The following EIPR1 variants were observed in gnomAD, a reference collection of about 807,000 sequenced individuals.
The protein encoded by EIPR1 is EARP and GARP complex-interacting protein 1.
In EIPR1, 25 loss-of-function variants were observed where a neutral mutation model predicts 48.1. The observed-to-expected ratio is 0.52, with a 90% CI of 0.38 to 0.73. EIPR1 has a LOEUF of 0.73. Among genes scored for constraint, EIPR1 ranks in the 30% least tolerant of loss-of-function variants. The pLI, the probability that EIPR1 is intolerant of heterozygous loss-of-function variation, is 0.00. For synonymous variants in EIPR1, 204 were observed against 201.9 expected (o/e 1.01, Z -0.09); for missense variants, 415 against 506.2 (o/e 0.82, Z 1.73).
intron 4 of EIPR1, among the ~76,000 whole-genome samples, chr2:3,248,140 A>C (rs1340065128): frequency 6.6e-6 from 1 of 151,942 alleles, no homozygotes; most frequent in East Asian, 1.9e-4. Flanking sequence ...GTTCATACAC[A>C]ATCTGGATGT....
At chr2:3,310,649 T>C (rs1199553608) in intron 3 of EIPR1, among the ~76,000 whole-genome samples, 1 of 104,954 alleles carries the variant, frequency 9.5e-6, no homozygotes, top group Non-Finnish European at 1.7e-5. Flanking sequence ...CCAGACTCCG[T>C]CTCAAAAAAA....
At chr2:3,337,172 C>T (rs570020441) in intron 3 of EIPR1, among the ~76,000 whole-genome samples, 26 of 152,198 alleles carry the variant, frequency 1.7e-4, no homozygotes, top group African/African-American at 5.8e-4. Flanking sequence ...GAAACACACA[C>T]AGAACCCGGT....
chr2:3,235,430 A>G (rs1666372338), intron 4 of EIPR1, among the ~76,000 whole-genome samples: 1 of 107,304 alleles, frequency 9.3e-6, no homozygotes, highest in Non-Finnish European at 1.9e-5. Context: ...GCGCACACAC[A>G]CACACACACG....
intron 3 of EIPR1, among the ~76,000 whole-genome samples, chr2:3,289,694 C>G (rs779287871): frequency 3.3e-5 from 5 of 152,230 alleles, no homozygotes; most frequent in Non-Finnish European, 7.3e-5. Context: ...GCTCATCTCC[C>G]CGACGCAGGC....
At chr2:3,231,475 A>G (rs1219078990) in intron 4 of EIPR1, among the ~76,000 whole-genome samples, 1 of 152,236 alleles carries the variant, frequency 6.6e-6, no homozygotes, top group Admixed American at 6.5e-5. Flanking sequence ...GCTAACACAC[A>G]TGCCATATAT....
At chr2:3,252,907 A>G (rs760448009) in intron 4 of EIPR1, among the ~76,000 whole-genome samples, 1 of 152,206 alleles carries the variant, frequency 6.6e-6, no homozygotes, top group African/African-American at 2.4e-5. Flanking sequence ...AAAAAACTCT[A>G]AGAACCCCAC....
intron 4 of EIPR1, among the ~76,000 whole-genome samples, chr2:3,244,589 T>C (rs1572348093): frequency 6.6e-6 from 1 of 152,180 alleles, no homozygotes; most frequent in Non-Finnish European, 1.5e-5. Context: ...GTGCCCTTTA[T>C]CAAAGAGGCC....
At chr2:3,274,015 T>C (rs866922663) in intron 3 of EIPR1, among the ~76,000 whole-genome samples, 2 of 152,186 alleles carry the variant, frequency 1.3e-5, no homozygotes, top group African/African-American at 4.8e-5. Context: ...ATCATGACTG[T>C]TGAAATAGAA....
At chr2:3,247,139 T>A (rs1234216853) in intron 4 of EIPR1, among the ~76,000 whole-genome samples, 1 of 151,332 alleles carries the variant, frequency 6.6e-6, no homozygotes, top group African/African-American at 2.4e-5. Flanking sequence ...TTCACTCCCA[T>A]CCCTCAAAAG....
chr2:3,206,214 C>T (rs985218082), intron 5 of EIPR1, among the ~76,000 whole-genome samples: 9 of 152,168 alleles, frequency 5.9e-5, no homozygotes, highest in Non-Finnish European at 1.0e-4. Context: ...TACCTGGCTG[C>T]CAGGGCTCCT....
At chr2:3,336,703 G>T (rs1670053481) in intron 3 of EIPR1, among the ~76,000 whole-genome samples, 1 of 152,028 alleles carries the variant, frequency 6.6e-6, no homozygotes, top group African/African-American at 2.4e-5. Flanking sequence ...GGGAGGCAGA[G>T]GTTGCAGTGA....
intron 3 of EIPR1, among the ~76,000 whole-genome samples, chr2:3,294,149 G>A (rs976357330): frequency 6.6e-6 from 1 of 152,056 alleles, no homozygotes; most frequent in African/African-American, 2.4e-5. Context: ...TGTTCATTAG[G>A]AGAATCCCAC....
At chr2:3,351,340 G>C (rs1199921783) in intron 2 of EIPR1, among the ~76,000 whole-genome samples, 2 of 152,138 alleles carry the variant, frequency 1.3e-5, no homozygotes, top group South Asian at 2.1e-4. Context: ...TGGTACCAAT[G>C]GTTCTTCATT....
At chr2:3,223,090 G>T (rs1665949617) in intron 4 of EIPR1, among the ~76,000 whole-genome samples, 1 of 152,166 alleles carries the variant, frequency 6.6e-6, no homozygotes, top group Non-Finnish European at 1.5e-5. Flanking sequence ...TTCTTCACAG[G>T]ACCAGGACTG....
At chr2:3,223,874 T>C (rs1194159995) in intron 4 of EIPR1, among the ~76,000 whole-genome samples, 2 of 152,128 alleles carry the variant, frequency 1.3e-5, no homozygotes, top group East Asian at 1.9e-4. Flanking sequence ...ACATGTCCCA[T>C]GTGACCCCTA....
At position 3,255,383 on chromosome 2, in the gene EIPR1, A is replaced by G. The variant is rs1466295111; in HGVS notation, c.416+1916T>C. Among the ~76,000 whole-genome samples, 8 of 152,204 alleles carry G rather than the reference A, an allele frequency of 5.3e-5. 1 individual carries two copies. The East Asian group carries it at 1.5e-3, about 29-fold the overall frequency. ...TTTTTAGCAGAGATGGGGTTTCACC[A>G]TGTTGGCCAGGCTGGTCTCGAACTC... On this transcript the variant is annotated intron_variant, in intron 4 of 8. Transcript: ENST00000382125.
chr2:3,208,790 C>T (rs1452162359), intron 5 of EIPR1: 18 of 1,548,448 alleles, frequency 1.2e-5, no homozygotes, highest in Non-Finnish European at 1.3e-5. Flanking sequence ...GAGTGAGGCT[C>T]GTGGCAGGTC....
chr2:3,193,168 GCATGGC>G (rs2103103654), intron 7 of EIPR1, among the ~76,000 whole-genome samples: 1 of 152,358 alleles, frequency 6.6e-6, no homozygotes, highest in African/African-American at 2.4e-5. Context: ...GGTGCACCCA[GCATGGC>G]CAGGGGCACA....
rs1664514515 is a variant in EIPR1, at chr2:3,189,263, A to G, written c.*71T>C. On this transcript the variant is annotated 3_prime_UTR_variant, in exon 9 of 9. Transcript: ENST00000382125. This position sits in a 1 kb window ranked among gnomAD's most constrained non-coding sequence, Gnocchi z 4.6. ...CCTGGAACACGAGTCACCTCCAAAG[A>G]GCTGCGACTGTTTGAGAATCTGCCA... The G allele has an allele frequency of 7.1e-7, 1 of 1,416,774 alleles. No individual in the cohort carries two copies. The highest frequency in any genetic ancestry group is 9.4e-7 in the Non-Finnish European group (1 of 1,064,414). The allele number at this position is 1,416,774 out of a possible 1,614,324, so 87.8% of individuals were successfully genotyped here.
Sources: gnomAD v4.1 joint callset for allele counts (sites outside exome capture counted in the v4.1 genomes callset) on GRCh38, gnomAD v4.1.1 for gene constraint, Gnocchi (gnomAD v3.1) non-coding constraint, MANE v1.5 for transcripts, NCBI Gene and HGNC (gene_info 2026-07-23, HGNC 2026-07-21) for gene names.